GNAQ: variants seen among roughly 807,000 people sequenced by gnomAD.
GNAQ encodes the protein G protein subunit alpha q.
Under a neutral mutation model 43.9 loss-of-function variants are expected in GNAQ, and 8 were observed. That is an observed-to-expected ratio of 0.18 (90% CI 0.11 to 0.33). The LOEUF (loss-of-function observed/expected upper bound fraction) is 0.33, where lower values mean the gene tolerates loss of function less well. Ranked by LOEUF, GNAQ falls within the 10% of genes least tolerant of loss-of-function variation. GNAQ has a pLI of 1.00. For synonymous variants in GNAQ, 155 were observed against 170.7 expected, an observed-to-expected ratio of 0.91 and a Z score of 0.71; for missense variants, 158 against 450.8, an observed-to-expected ratio of 0.35 and a Z score of 5.88.
At chr9:77,999,023 C>T (rs980429378) in intron 1 of GNAQ, among the ~76,000 whole-genome samples, 3 of 127,288 alleles carry the variant, frequency 2.4e-5, no homozygotes, top group Non-Finnish European at 4.7e-5. Flanking sequence ...ACCCAGGAGG[C>T]GGAGGTTGCA....
chr9:78,003,150 G>A (rs1396513866), intron 1 of GNAQ, among the ~76,000 whole-genome samples: 1 of 152,166 alleles, frequency 6.6e-6, no homozygotes, highest in African/African-American at 2.4e-5. Flanking sequence ...AACCAAATTT[G>A]TGTCTGTATT....
intron 2 of GNAQ, among the ~76,000 whole-genome samples, chr9:77,841,275 G>A (rs899133712): frequency 6.6e-6 from 1 of 152,112 alleles, no homozygotes; most frequent in African/African-American, 2.4e-5. Context: ...GTGGTGAGAG[G>A]CTTGCAGTAA....
chr9:77,909,524 G>A (rs143272398), intron 2 of GNAQ, among the ~76,000 whole-genome samples: 4 of 152,158 alleles, frequency 2.6e-5, no homozygotes, highest in Non-Finnish European at 5.9e-5. Context: ...GTTCAAAACC[G>A]TTATACTTTT....
Position 77,779,251 on chromosome 9 carries a change from CAAAT to C in GNAQ, c.735+15208_735+15211del, listed in dbSNP as rs1387665200. 2.6e-5 allele frequency among the ~76,000 whole-genome samples: 4 copies of C among 151,832 alleles called. 1 individual carries two copies. Among genetic ancestry groups the C allele is most frequent in the Middle Eastern group, 3.4e-3 (1 of 294 alleles). ...TACCACAATGAAATGAAACTAGAAA[CAAAT>C]AACCAAAAGATAACTGGGAAATCCC... On this transcript the variant is annotated intron_variant, in intron 5 of 6. Transcript: ENST00000286548.
At chr9:77,934,413 A>G (rs1482431364) in intron 1 of GNAQ, among the ~76,000 whole-genome samples, 1 of 152,114 alleles carries the variant, frequency 6.6e-6, no homozygotes, top group African/African-American at 2.4e-5. Flanking sequence ...TTCAAGGTTA[A>G]TATGTCAAGT....
intron 2 of GNAQ, among the ~76,000 whole-genome samples, chr9:77,884,841 G>C (rs1042386023): frequency 6.6e-6 from 1 of 152,208 alleles, no homozygotes; most frequent in African/African-American, 2.4e-5. Context: ...TTAAGAAACT[G>C]GTCAAGAATC....
At chr9:77,859,570 G>A (rs781185067) in intron 2 of GNAQ, among the ~76,000 whole-genome samples, 1 of 152,058 alleles carries the variant, frequency 6.6e-6, no homozygotes, top group African/African-American at 2.4e-5. Flanking sequence ...AAGAAACAAC[G>A]GTTGCCTTTC....
chr9:77,865,798 G>A (rs1264321516), intron 2 of GNAQ, among the ~76,000 whole-genome samples: 2 of 152,216 alleles, frequency 1.3e-5, no homozygotes, highest in East Asian at 1.9e-4. Context: ...AGTCTATGAA[G>A]TACTGAGTTG....
In GNAQ at chr9:77,754,159, C is replaced by G. The variant is rs10123004; in HGVS notation, c.736-25492G>C. 7.3e-3 allele frequency among the ~76,000 whole-genome samples: 1,117 copies of G among 152,306 alleles called. 21 individuals are homozygous for G. The highest frequency in any genetic ancestry group is 0.026 in the African/African-American group (1,062 of 41,554). Reference sequence around the variant, plus strand: ...TTCTGTTAGGCATCACATAGGCAGGCCTTCCTCAGGACTGGTTCTCTCCCA... The same window carrying G: ...TTCTGTTAGGCATCACATAGGCAGGGCTTCCTCAGGACTGGTTCTCTCCCA... On this transcript the variant is annotated intron_variant, in intron 5 of 6. Transcript: ENST00000286548.
intron 1 of GNAQ, among the ~76,000 whole-genome samples, chr9:77,954,673 CT>C (rs397894512): frequency 1.3e-5 from 2 of 152,176 alleles, no homozygotes; most frequent in East Asian, 3.8e-4. Context: ...TGCAAAAGGT[CT>C]TCAAGATCCT....
intron 1 of GNAQ, among the ~76,000 whole-genome samples, chr9:77,957,941 T>C (rs1052931857): frequency 9.2e-5 from 14 of 152,212 alleles, no homozygotes; most frequent in African/African-American, 3.4e-4. Flanking sequence ...AAGAGACACA[T>C]TTTAAACGGC....
At chr9:77,935,225 G>T (rs888573872) in intron 1 of GNAQ, among the ~76,000 whole-genome samples, 2 of 152,234 alleles carry the variant, frequency 1.3e-5, no homozygotes, top group Non-Finnish European at 2.9e-5. Context: ...CCAAACCTCT[G>T]CATTGTTCAC....
At chr9:78,028,891 TA>T (rs1824014689) in intron 1 of GNAQ, among the ~76,000 whole-genome samples, 1 of 134,594 alleles carries the variant, frequency 7.4e-6, no homozygotes, top group Non-Finnish European at 1.7e-5. Flanking sequence ...AGAAATAGTG[TA>T]AGTATTGTAG....
intron 5 of GNAQ, among the ~76,000 whole-genome samples, chr9:77,729,272 T>C (rs1825447977): frequency 6.6e-6 from 1 of 152,232 alleles, no homozygotes; most frequent in African/African-American, 2.4e-5. Flanking sequence ...TCCCTATGTT[T>C]CACTATACTA....
rs10114202 is a variant in GNAQ, at chr9:77,913,957, T to G, written c.321+8204A>C. On this transcript the variant is annotated intron_variant, in intron 2 of 6. Coordinates refer to ENST00000286548, the MANE Select transcript of GNAQ (RefSeq NM_002072.5). ...TCTCAGTCCACTGCTGAAGTCTTCCTTTGTTTCAGAACCCTCCTCTGATGA... is the reference window on the plus strand; with the variant it reads ...TCTCAGTCCACTGCTGAAGTCTTCCGTTGTTTCAGAACCCTCCTCTGATGA... 6.4e-3 allele frequency among the ~76,000 whole-genome samples: 972 copies of G among 152,342 alleles called. 12 individuals are homozygous for G. Among genetic ancestry groups the G allele is most frequent in the African/African-American group, 0.022 (935 of 41,572 alleles).
intron 5 of GNAQ, among the ~76,000 whole-genome samples, chr9:77,744,588 T>C (rs1825703080): frequency 6.6e-6 from 1 of 152,120 alleles, no homozygotes; most frequent in Non-Finnish European, 1.5e-5. Flanking sequence ...CCAAAATCAT[T>C]GGGCTAGCTT....
chr9:77,944,168 G>C (rs1248612957), intron 1 of GNAQ, among the ~76,000 whole-genome samples: 1 of 151,822 alleles, frequency 6.6e-6, no homozygotes, highest in Non-Finnish European at 1.5e-5. Context: ...AGGATATCTG[G>C]CTAATGGCAA....
At chr9:77,864,216 A>G (rs1827911559) in intron 2 of GNAQ, among the ~76,000 whole-genome samples, 1 of 150,008 alleles carries the variant, frequency 6.7e-6, no homozygotes, top group Non-Finnish European at 1.5e-5. Flanking sequence ...GGACTAACAG[A>G]GCGCGAATGC....
intron 1 of GNAQ, among the ~76,000 whole-genome samples, chr9:77,926,021 T>C (rs959078054): frequency 1.3e-5 from 2 of 152,224 alleles, no homozygotes; most frequent in Non-Finnish European, 2.9e-5. Context: ...ATTGTTTTTA[T>C]GGCTTTTAAA....
Sources: gnomAD v4.1 joint callset for allele counts (sites outside exome capture counted in the v4.1 genomes callset) on GRCh38, gnomAD v4.1.1 for gene constraint, MANE v1.5 for transcripts, NCBI Gene and HGNC (gene_info 2026-07-23, HGNC 2026-07-21) for gene names.